Variants in CMTM4 observed in about 807,000 individuals in gnomAD.
The protein encoded by CMTM4 is CKLF-like MARVEL transmembrane domain-containing protein 4.
A neutral mutation model predicts 19.0 loss-of-function variants in CMTM4; 8 were observed. The observed-to-expected ratio is 0.42, with a 90% CI of 0.25 to 0.76. The LOEUF (loss-of-function observed/expected upper bound fraction) is 0.76, where lower values mean the gene tolerates loss of function less well. CMTM4 is among the 30% of genes least tolerant of loss of function. CMTM4 has a pLI of 0.27. For missense variants in CMTM4, 228 were observed against 290.2 expected, an observed-to-expected ratio of 0.79 and a Z score of 1.56; for synonymous variants, 106 against 121.1, an observed-to-expected ratio of 0.88 and a Z score of 0.82.
At chr16:66,692,169 C>A (rs2017147579) in intron 1 of CMTM4, among the ~76,000 whole-genome samples, 1 of 152,096 alleles carries the variant, frequency 6.6e-6, no homozygotes, top group African/African-American at 2.4e-5. Context: ...CAGCTCACTG[C>A]AACCTCTGCC....
At chr16:66,626,064 G>T (rs918809461) in intron 2 of CMTM4, among the ~76,000 whole-genome samples, 1 of 152,150 alleles carries the variant, frequency 6.6e-6, no homozygotes, top group Non-Finnish European at 1.5e-5. Flanking sequence ...TACCATGAGG[G>T]TGCATGCAGC....
chr16:66,655,236 G>A (rs892321443), intron 1 of CMTM4, among the ~76,000 whole-genome samples: 1 of 152,116 alleles, frequency 6.6e-6, no homozygotes, highest in Non-Finnish European at 1.5e-5. Context: ...CTCCCAAAGT[G>A]CTGAGATTAC....
At chr16:66,661,887 C>T (rs1335904504) in intron 1 of CMTM4, among the ~76,000 whole-genome samples, 5 of 152,136 alleles carry the variant, frequency 3.3e-5, no homozygotes, top group African/African-American at 1.2e-4. Flanking sequence ...GAGCTGAGAT[C>T]GCACCACTGC....
chr16:66,671,279 T>G (rs1340418710), intron 1 of CMTM4, among the ~76,000 whole-genome samples: 1 of 151,160 alleles, frequency 6.6e-6, no homozygotes, highest in Non-Finnish European at 1.5e-5. Context: ...ACTTCGGGAG[T>G]CTCCAAATAG....
chr16:66,660,387 C>CAAAA (rs34266604), intron 1 of CMTM4, among the ~76,000 whole-genome samples: 2 of 84,502 alleles, frequency 2.4e-5, no homozygotes, highest in South Asian at 4.0e-4. Context: ...GATCCTGTCT[C>CAAAA]AAAAAAAAAA....
chr16:66,640,640 G>A (rs2016082676), intron 1 of CMTM4, among the ~76,000 whole-genome samples: 1 of 152,232 alleles, frequency 6.6e-6, no homozygotes, highest in African/African-American at 2.4e-5. Flanking sequence ...GACAAGGGCA[G>A]AAGCCAGGAG....
At chr16:66,679,440 T>G (rs928157740) in intron 1 of CMTM4, among the ~76,000 whole-genome samples, 2 of 151,702 alleles carry the variant, frequency 1.3e-5, no homozygotes, top group African/African-American at 4.8e-5. Context: ...ACCCCTGAAT[T>G]ATGCAAAAAG....
intron 1 of CMTM4, among the ~76,000 whole-genome samples, chr16:66,667,823 G>C (rs770922860): frequency 1.8e-4 from 28 of 152,090 alleles, no homozygotes; most frequent in Non-Finnish European, 3.4e-4. Flanking sequence ...AGGAGGCAGA[G>C]GTTGCAGTGA....
chr16:66,663,856 A>G (rs925992827), intron 1 of CMTM4, among the ~76,000 whole-genome samples: 42 of 152,036 alleles, frequency 2.8e-4, no homozygotes, highest in African/African-American at 9.4e-4. Context: ...GCTTCTTTAT[A>G]TCTTCTATTT....
At chr16:66,666,914 T>C (rs1004299722) in intron 1 of CMTM4, among the ~76,000 whole-genome samples, 8 of 152,148 alleles carry the variant, frequency 5.3e-5, no homozygotes, top group South Asian at 2.1e-4. Flanking sequence ...CTCTGATTAC[T>C]TGGAGGGAGG....
chr16:66,639,445 G>A (rs1219132291), intron 1 of CMTM4, among the ~76,000 whole-genome samples: 1 of 152,152 alleles, frequency 6.6e-6, no homozygotes, highest in Non-Finnish European at 1.5e-5. Context: ...CCTGCTCTTA[G>A]CTCACAGTCT....
At chr16:66,635,994 T>C (rs2015985219) in intron 2 of CMTM4, among the ~76,000 whole-genome samples, 2 of 152,192 alleles carry the variant, frequency 1.3e-5, no homozygotes, top group African/African-American at 4.8e-5. Flanking sequence ...CTAGGCTCTG[T>C]AAGTTACTGG....
chr16:66,645,067 T>C (rs2016167003), intron 1 of CMTM4, among the ~76,000 whole-genome samples: 2 of 149,928 alleles, frequency 1.3e-5, no homozygotes, highest in African/African-American at 4.9e-5. Flanking sequence ...GCGGATCACC[T>C]GAGGTCAGGA....
intron 1 of CMTM4, among the ~76,000 whole-genome samples, chr16:66,674,745 T>TC (rs1360724774): frequency 1.4e-5 from 2 of 144,510 alleles, no homozygotes; most frequent in African/African-American, 2.6e-5. Context: ...TTTTTTTTTT[T>TC]TTTTTTTTTT....
chr16:66,613,944 A>G (rs918341352), downstream of CMTM4: 3 of 113,006 alleles, frequency 2.7e-5, no homozygotes, highest in African/African-American at 1.0e-4. Flanking sequence ...CGTGGAAGAC[A>G]GTTTTTCCAT....
chr16:66,629,035 CAA>C (rs2015799530), intron 2 of CMTM4, among the ~76,000 whole-genome samples: 2 of 151,942 alleles, frequency 1.3e-5, no homozygotes, highest in African/African-American at 4.8e-5. Context: ...TTTTGTTTTA[CAA>C]TAAGCACTTA....
chr16:66,608,138 G>A, the CMTM4 span, among the ~76,000 whole-genome samples: 1 of 152,220 alleles, frequency 6.6e-6, no homozygotes, highest in Non-Finnish European at 1.5e-5. The surrounding 1 kb of genome is among the most constrained non-coding windows in gnomAD (Gnocchi z 5.1). Context: ...GAGCCACTGT[G>A]CTTGGCCTGG....
At chr16:66,644,708 T>C (rs1032557430) in intron 1 of CMTM4, among the ~76,000 whole-genome samples, 2 of 152,192 alleles carry the variant, frequency 1.3e-5, no homozygotes, top group African/African-American at 4.8e-5. Context: ...AGCAGCCTTT[T>C]GGAACTACAG....
chr16:66,691,230 G>A (rs1037978054), intron 1 of CMTM4, among the ~76,000 whole-genome samples: 8 of 152,188 alleles, frequency 5.3e-5, no homozygotes, highest in Non-Finnish European at 5.9e-5. Flanking sequence ...TGGATCAGGT[G>A]CGGTGGCTCA....
Sources: gnomAD v4.1 joint callset for allele counts (sites outside exome capture counted in the v4.1 genomes callset) on GRCh38, gnomAD v4.1.1 for gene constraint, Gnocchi (gnomAD v3.1) non-coding constraint, MANE v1.5 for transcripts, NCBI Gene and HGNC (gene_info 2026-07-23, HGNC 2026-07-21) for gene names.